Variants in DOT1L observed in about 807,000 individuals in gnomAD.
DOT1L encodes the protein histone-lysine N-methyltransferase, H3 lysine-79 specific.
Under a neutral mutation model 153.3 loss-of-function variants are expected in DOT1L, and 33 were observed. That is an observed-to-expected ratio of 0.22 (90% CI 0.16 to 0.29). DOT1L has a LOEUF of 0.29. Among genes scored for constraint, DOT1L ranks in the 10% least tolerant of loss-of-function variants. The pLI, the probability that DOT1L is intolerant of heterozygous loss-of-function variation, is 1.00. For synonymous variants in DOT1L, 1,135 were observed against 965.1 expected (o/e 1.18, Z -3.26); for missense variants, 1,847 against 2,119.9 (o/e 0.87, Z 2.53).
At chr19:2,215,553 C>T (rs2023867138) in intron 19 of DOT1L, 1 of 152,368 alleles carries the variant, frequency 6.6e-6, no homozygotes, top group African/African-American at 2.4e-5. Flanking sequence ...CGCTGGACCT[C>T]TGCTGCCTTT....
chr19:2,196,965 G>A (rs555879902), intron 7 of DOT1L, among the ~76,000 whole-genome samples: 4 of 151,942 alleles, frequency 2.6e-5, no homozygotes, highest in South Asian at 4.5e-4. Flanking sequence ...TGTGGTTTCT[G>A]TTCCTCACCC....
chr19:2,176,047 A>G (rs1233017610), intron 1 of DOT1L, among the ~76,000 whole-genome samples: 1 of 152,104 alleles, frequency 6.6e-6, no homozygotes, highest in Non-Finnish European at 1.5e-5. Flanking sequence ...GCTCTCCAGG[A>G]ACAGGTCTGT....
At chr19:2,166,327 C>A (rs985889236) in intron 1 of DOT1L, among the ~76,000 whole-genome samples, 1 of 149,552 alleles carries the variant, frequency 6.7e-6, no homozygotes, top group Non-Finnish European at 1.5e-5. Context: ...AACTCCTGAC[C>A]TCTGGTGATC....
At chr19:2,224,371 C>A (rs1474195388) in intron 25 of DOT1L, among the ~76,000 whole-genome samples, 1 of 152,182 alleles carries the variant, frequency 6.6e-6, no homozygotes, top group Non-Finnish European at 1.5e-5. Flanking sequence ...CTGAGGTCCT[C>A]AGTCCCCACA....
At chr19:2,168,148 A>G (rs1315396052) in intron 1 of DOT1L, among the ~76,000 whole-genome samples, 1 of 151,996 alleles carries the variant, frequency 6.6e-6, no homozygotes, top group Non-Finnish European at 1.5e-5. Flanking sequence ...CCACCGCCCC[A>G]GCATTCTTAG....
intron 12 of DOT1L, 124 bp downstream of exon 12, chr19:2,209,100 C>T (rs916724420): frequency 1.7e-5 from 19 of 1,101,640 alleles, no homozygotes; most frequent in Non-Finnish European, 2.2e-5. Flanking sequence ...CCCCTCGGGG[C>T]CCGGCCCTGT....
At chr19:2,228,219 C>T (rs767446297) in intron 27 of DOT1L, 8 of 1,363,844 alleles carry the variant, frequency 5.9e-6, no homozygotes, top group East Asian at 9.1e-5. Flanking sequence ...GCCCCTGCCC[C>T]GGCTGGCCCT....
chr19:2,176,031 C>T (rs960644599), intron 1 of DOT1L, among the ~76,000 whole-genome samples: 3 of 152,144 alleles, frequency 2.0e-5, no homozygotes, highest in African/African-American at 7.2e-5. Context: ...TCTGCCTGTC[C>T]CCTGGGCTCT....
intron 7 of DOT1L, among the ~76,000 whole-genome samples, chr19:2,198,620 C>T (rs12982279): frequency 0.3 from 46,314 of 152,148 alleles, 8,781 homozygotes; most frequent in Middle Eastern, 0.43. Context: ...GGGTGGGGCG[C>T]GAGGCCTGTG....
At chr19:2,175,867 C>T (rs187456288) in intron 1 of DOT1L, among the ~76,000 whole-genome samples, 56 of 152,160 alleles carry the variant, frequency 3.7e-4, no homozygotes, top group Admixed American at 2.3e-3. Flanking sequence ...AGCAAAACTC[C>T]GTCTCAAAAA....
rs556827742 is a variant in DOT1L, at chr19:2,175,577, C to G, written c.82-5136C>G. 5.9e-5 allele frequency among the ~76,000 whole-genome samples: 9 copies of G among 152,222 alleles called. No homozygotes were observed. The South Asian group carries it at 1.9e-3, about 32-fold the overall frequency. On this transcript the variant is annotated intron_variant, in intron 1 of 27. Transcript: ENST00000398665. ...GACGCAGTGGCTCACGCCTATAATCCCAGCACTTTGGGAGGCTGAGGTGGG... is the reference window on the plus strand; with the variant it reads ...GACGCAGTGGCTCACGCCTATAATCGCAGCACTTTGGGAGGCTGAGGTGGG...
chr19:2,180,579 T>G (rs1599545111), intron 1 of DOT1L, 134 bp from the exon 2 acceptor site: 1 of 1,038,370 alleles, frequency 9.6e-7, no homozygotes. Flanking sequence ...ACCCGCTGGG[T>G]GGTGGGCTTG....
rs1430766463 is a variant in DOT1L at position 2,230,194 on chromosome 19, A to C, written c.*402A>C. On this transcript the variant is annotated 3_prime_UTR_variant, in exon 28 of 28. Transcript: ENST00000398665. ...CGTCCCCAGGCCCGCGCCTGCCTCC[A>C]CCCGCTTGGTGCTGACTAGACGCTG... is the stretch of plus-strand genomic sequence containing the variant. 2 of 458,622 alleles carry C rather than the reference A, an allele frequency of 4.4e-6. No homozygotes were observed. The highest frequency in any genetic ancestry group is 7.6e-6 in the Non-Finnish European group (2 of 262,164). The allele number at this position is 458,622 out of a possible 1,614,324, so 28.4% of individuals were successfully genotyped here. A position where few individuals can be genotyped will look rare whatever the true frequency, so the allele number is the denominator to read the frequency against.
intron 3 of DOT1L, among the ~76,000 whole-genome samples, chr19:2,186,927 G>A (rs562086401): frequency 9.2e-5 from 14 of 152,348 alleles, no homozygotes; most frequent in Admixed American, 9.1e-4. Flanking sequence ...CAGCCGCATG[G>A]CAGGGTCCAC....
At chr19:2,194,728 C>T in intron 7 of DOT1L, 151 bp downstream of exon 7, 1 of 822,730 alleles carries the variant, frequency 1.2e-6, no homozygotes, top group Non-Finnish European at 1.9e-6. Flanking sequence ...GTAGGGCTGC[C>T]TGGGCGTGGC....
chr19:2,227,289 T>G, intron 27 of DOT1L, 162 bp downstream of exon 27: 2 of 919,572 alleles, frequency 2.2e-6, no homozygotes, highest in Non-Finnish European at 3.6e-6. Context: ...ACTCCAGTCC[T>G]GTGGGGAGAG....
chr19:2,183,294 C>G (rs1432424944), intron 2 of DOT1L, among the ~76,000 whole-genome samples: 2 of 152,194 alleles, frequency 1.3e-5, no homozygotes, highest in Non-Finnish European at 2.9e-5. Flanking sequence ...CCTCAGCCTC[C>G]CGAGTAGCAG....
At chr19:2,189,366 C>T (rs756326548) in intron 3 of DOT1L, among the ~76,000 whole-genome samples, 5 of 152,320 alleles carry the variant, frequency 3.3e-5, no homozygotes, top group East Asian at 1.9e-4. Context: ...CCTCTAAGGC[C>T]GGCCCCAGGG....
In DOT1L at chr19:2,182,236, ATAAAT is replaced by A. The variant is rs200992836; in HGVS notation, c.125+1481_125+1485del. On this transcript the variant is annotated intron_variant, in intron 2 of 27. Transcript: ENST00000398665. ...GAGTGAGACTCCATCTCAAAAATAAATAAATAAATAAATAAATAATGCTCAGCTGG... is the reference window on the plus strand; with the variant it reads ...GAGTGAGACTCCATCTCAAAAATAAAAAATAAATAAATAATGCTCAGCTGG... Among the ~76,000 whole-genome samples, 424 of 149,668 alleles carry A rather than the reference ATAAAT, an allele frequency of 2.8e-3. 2 individuals carry two copies. Among genetic ancestry groups the A allele is most frequent in the African/African-American group, 9.6e-3 (395 of 41,182 alleles).
Sources: gnomAD v4.1 joint callset for allele counts (sites outside exome capture counted in the v4.1 genomes callset) on GRCh38, gnomAD v4.1.1 for gene constraint, MANE v1.5 for transcripts, NCBI Gene and HGNC (gene_info 2026-07-23, HGNC 2026-07-21) for gene names.